MAN2A1: variants seen among roughly 807,000 people sequenced by gnomAD.
MAN2A1 encodes the protein mannosidase alpha class 2A member 1.
In MAN2A1, 76 loss-of-function variants were observed where a neutral mutation model predicts 142.6. The observed-to-expected ratio is 0.53, with a 90% CI of 0.44 to 0.65. The LOEUF (loss-of-function observed/expected upper bound fraction) is 0.65. MAN2A1 is among the 30% of genes least tolerant of loss of function. The pLI is 0.00. For synonymous variants in MAN2A1, 559 were observed against 473.2 expected (o/e 1.18, Z -2.35); for missense variants, 1,311 against 1,365.1 (o/e 0.96, Z 0.62).
intron 4 of MAN2A1, among the ~76,000 whole-genome samples, chr5:109,755,026 C>A (rs915473130): frequency 6.6e-6 from 1 of 152,024 alleles, no homozygotes; most frequent in African/African-American, 2.4e-5. Flanking sequence ...ATAAACCAAC[C>A]AGATGTGGCT....
At chr5:109,843,657 A>T (rs917250597) in intron 17 of MAN2A1, among the ~76,000 whole-genome samples, 5 of 152,176 alleles carry the variant, frequency 3.3e-5, no homozygotes, top group African/African-American at 1.2e-4. Context: ...CTATTCAGAA[A>T]TGGGCAGGTA....
intron 12 of MAN2A1, among the ~76,000 whole-genome samples, chr5:109,806,024 C>T (rs1308221611): frequency 1.3e-5 from 2 of 152,204 alleles, no homozygotes; most frequent in East Asian, 3.9e-4. Flanking sequence ...CTAATCCTCA[C>T]CTCCAGGAAA....
At chr5:109,842,516 T>A in intron 17 of MAN2A1, 55 bp downstream of exon 17, 1 of 1,120,052 alleles carries the variant, frequency 8.9e-7, no homozygotes, top group Middle Eastern at 3.0e-4. Flanking sequence ...GTAATTCTTA[T>A]ATATAACAAT....
chr5:109,798,831 G>A (rs533913729), intron 12 of MAN2A1, among the ~76,000 whole-genome samples: 4 of 152,030 alleles, frequency 2.6e-5, no homozygotes, highest in Non-Finnish European at 5.9e-5. Context: ...ACAGGCACCC[G>A]CCACCACACT....
intron 4 of MAN2A1, among the ~76,000 whole-genome samples, chr5:109,753,049 G>A (rs1752589852): frequency 6.6e-6 from 1 of 152,058 alleles, no homozygotes; most frequent in African/African-American, 2.4e-5. Flanking sequence ...TTAATCTGCA[G>A]TTTTTTTCTC....
intron 16 of MAN2A1, among the ~76,000 whole-genome samples, chr5:109,827,763 G>A (rs180951797): frequency 2.0e-5 from 3 of 152,166 alleles, no homozygotes; most frequent in Non-Finnish European, 4.4e-5. Context: ...AAGAAATCTT[G>A]TGCTCACTAG....
At chr5:109,842,110 G>T (rs1204752310) in intron 16 of MAN2A1, among the ~76,000 whole-genome samples, 4 of 152,084 alleles carry the variant, frequency 2.6e-5, no homozygotes, top group Non-Finnish European at 5.9e-5. Context: ...TCATTCTTTA[G>T]ATGAATAATA....
At chr5:109,696,655 C>A (rs1004995085) in intron 1 of MAN2A1, among the ~76,000 whole-genome samples, 2 of 152,162 alleles carry the variant, frequency 1.3e-5, no homozygotes, top group Non-Finnish European at 2.9e-5. Context: ...TCTCTCTGTA[C>A]CCCTAGTTGT....
At chr5:109,831,267 A>C (rs1244994634) in intron 16 of MAN2A1, among the ~76,000 whole-genome samples, 1 of 152,226 alleles carries the variant, frequency 6.6e-6, no homozygotes, top group Non-Finnish European at 1.5e-5. Flanking sequence ...TGTTGTATCT[A>C]CTTACAAGAG....
intron 16 of MAN2A1, among the ~76,000 whole-genome samples, chr5:109,825,970 G>A (rs561354852): frequency 7.5e-5 from 10 of 133,552 alleles, no homozygotes; most frequent in East Asian, 4.9e-4. Context: ...GCAGTGGAGC[G>A]ATCTCGGCTC....
At chr5:109,829,025 T>C (rs2112738683) in intron 16 of MAN2A1, among the ~76,000 whole-genome samples, 1 of 152,216 alleles carries the variant, frequency 6.6e-6, no homozygotes, top group South Asian at 2.1e-4. Flanking sequence ...AAAAAGTTTG[T>C]GGACAAATGG....
At chr5:109,864,375 C>A (rs2112448623) in intron 20 of MAN2A1, 1 of 152,188 alleles carries the variant, frequency 6.6e-6, no homozygotes, top group Non-Finnish European at 1.5e-5. Context: ...GTATACTGAC[C>A]CTCTTAGCTG....
intron 4 of MAN2A1, among the ~76,000 whole-genome samples, chr5:109,742,706 G>T (rs1055104140): frequency 2.0e-5 from 3 of 152,190 alleles, no homozygotes; most frequent in African/African-American, 7.2e-5. Flanking sequence ...GCAATGGGAA[G>T]TTACAGTGTG....
intron 4 of MAN2A1, among the ~76,000 whole-genome samples, chr5:109,738,516 G>C (rs1237290681): frequency 6.6e-6 from 1 of 152,040 alleles, no homozygotes; most frequent in Non-Finnish European, 1.5e-5. Flanking sequence ...CAGCTTGGTG[G>C]TTCTAAAGGC....
intron 4 of MAN2A1, among the ~76,000 whole-genome samples, chr5:109,738,310 A>G (rs556811264): frequency 6.7e-6 from 1 of 148,716 alleles, no homozygotes; most frequent in Admixed American, 6.8e-5. Flanking sequence ...TTCAACAGAC[A>G]CTTCCCGAAC....
At chr5:109,822,238 A>G (rs1475352266) in intron 15 of MAN2A1, among the ~76,000 whole-genome samples, 1 of 149,812 alleles carries the variant, frequency 6.7e-6, no homozygotes, top group African/African-American at 2.5e-5. Flanking sequence ...GCATTCCAGG[A>G]TGGGCAGTGA....
Position 109,845,971 on chromosome 5 carries a change from C to G in MAN2A1, c.2807C>G (p.Ser936Cys). ...QDAKHRLTLLSAQSLGVSSLN... is the reference protein window; with the variant it reads ...QDAKHRLTLLCAQSLGVSSLN... ...GCCAAACATCGTTTGACACTGCTCT[C>G]TGCTCAGTCATTAGGGGTTTCGAGT... Residue 936 changes from serine to cysteine, a missense_variant, in exon 18 of 22, where the codon TCT (serine) becomes TGT (cysteine). Around this residue, in one of 3 missense-constraint regions of MAN2A1, gnomAD observed 890 missense variants for 920.5 expected, o/e 0.97. Transcript: ENST00000261483. 1 of 1,613,630 alleles carries G rather than the reference C, an allele frequency of 6.2e-7. No homozygotes were observed. The highest frequency in any genetic ancestry group is 8.5e-7 in the Non-Finnish European group (1 of 1,179,668).
At chr5:109,813,296 A>G (rs1754367275) in intron 12 of MAN2A1, among the ~76,000 whole-genome samples, 2 of 152,200 alleles carry the variant, frequency 1.3e-5, no homozygotes, top group African/African-American at 2.4e-5. Context: ...TTGAATTTGG[A>G]TGCAACTAAG....
chr5:109,848,463 C>G (rs1346527158), intron 19 of MAN2A1, among the ~76,000 whole-genome samples: 1 of 152,174 alleles, frequency 6.6e-6, no homozygotes, highest in Admixed American at 6.5e-5. Context: ...CATTGCAAGT[C>G]CTTTCTGCTC....
Sources: allele counts gnomAD v4.1 joint callset (sites outside exome capture counted in the v4.1 genomes callset), GRCh38; gene constraint gnomAD v4.1.1; regional missense constraint gnomAD v4.1.1; transcripts MANE v1.5; gene names NCBI Gene and HGNC (gene_info 2026-07-23, HGNC 2026-07-21).